PUM2: variants seen among roughly 807,000 people sequenced by gnomAD.
PUM2 encodes pumilio RNA binding family member 2.
A neutral mutation model predicts 124.5 loss-of-function variants in PUM2; 57 were observed. The observed-to-expected ratio is 0.46, with a 90% CI of 0.37 to 0.57. The LOEUF (loss-of-function observed/expected upper bound fraction) is 0.57. PUM2 is among the 20% of genes least tolerant of loss of function. The pLI, the probability that PUM2 is intolerant of heterozygous loss-of-function variation, is 0.00. For synonymous variants in PUM2, 460 were observed against 446.1 expected, an observed-to-expected ratio of 1.03 and a Z score of -0.39; for missense variants, 1,065 against 1,290.6, an observed-to-expected ratio of 0.83 and a Z score of 2.68.
chr2:20,344,320 G>A (rs569353144), intron 1 of PUM2, among the ~76,000 whole-genome samples: 13 of 152,206 alleles, frequency 8.5e-5, no homozygotes, highest in East Asian at 7.7e-4. Context: ...CACCTGCCAC[G>A]GCCTCCCAAA....
chr2:20,322,066 C>A (rs1682514021), intron 2 of PUM2, among the ~76,000 whole-genome samples: 1 of 151,974 alleles, frequency 6.6e-6, no homozygotes, highest in South Asian at 2.1e-4. Context: ...ATGGAAAACC[C>A]CTAAACCAAC....
chr2:20,289,650 T>G (rs970421611), intron 10 of PUM2, among the ~76,000 whole-genome samples: 3 of 152,230 alleles, frequency 2.0e-5, no homozygotes, highest in Non-Finnish European at 4.4e-5. Context: ...GATGATAAAT[T>G]CAGATCTTAA....
chr2:20,260,796 C>T (rs977786270), intron 14 of PUM2, among the ~76,000 whole-genome samples: 1 of 152,028 alleles, frequency 6.6e-6, no homozygotes, highest in Admixed American at 6.6e-5. Flanking sequence ...AAACATCTAA[C>T]TTTTAGAACA....
At chr2:20,346,373 C>T (rs1165303872) in intron 1 of PUM2, among the ~76,000 whole-genome samples, 2 of 152,172 alleles carry the variant, frequency 1.3e-5, no homozygotes, top group African/African-American at 4.8e-5. Context: ...AATCTGTATA[C>T]ATTTTTGGTA....
chr2:20,252,158 T>C (rs1663547978), intron 20 of PUM2, among the ~76,000 whole-genome samples: 1 of 152,240 alleles, frequency 6.6e-6, no homozygotes, highest in South Asian at 2.1e-4. Context: ...TTATATTCAT[T>C]AGTTTACAGC....
intron 1 of PUM2, among the ~76,000 whole-genome samples, chr2:20,342,631 C>A (rs1455945076): frequency 6.6e-6 from 1 of 152,056 alleles, no homozygotes; most frequent in Non-Finnish European, 1.5e-5. Context: ...TCTAGGAAAA[C>A]CCTAACTTAC....
Position 20,260,463 on chromosome 2 carries a change from G to A in PUM2, c.2229C>T (p.Phe743=), listed in dbSNP as rs766545327. 6.2e-7 allele frequency: 1 copy of A among 1,606,072 alleles called. No homozygotes were observed. ...TAGCTCTCTCTAGTTTTTGCTGTAT[G>A]AATCTACATAGGGAACATTTTTAAT... is the stretch of plus-strand genomic sequence containing the variant. ...EFSQDQHGSR[F]IQQKLERATP... The change falls in exon 15 of 21, where the codon TTC becomes TTT. Residue 743 remains phenylalanine (F), a synonymous_variant. Transcript: ENST00000361078.
chr2:20,336,088 T>A (rs1286386249), intron 1 of PUM2, among the ~76,000 whole-genome samples: 1 of 152,254 alleles, frequency 6.6e-6, no homozygotes, highest in Non-Finnish European at 1.5e-5. Context: ...TTTGATGCTT[T>A]AGGTATTGTC....
chr2:20,290,740 C>T lies in PUM2; in HGVS notation c.1203G>A (p.Gln401=), dbSNP rs1454347240. 1.2e-6 allele frequency: 2 copies of T among 1,613,186 alleles called. No individual in the cohort carries two copies. The highest frequency in any genetic ancestry group is 3.4e-5 in the Admixed American group (2 of 59,568). ...GQRPLTPNQG[Q]QGQQAESLAA... is the part of the protein sequence containing the mutation. ...CAAGTGATTCTGCTTGCTGCCCTTG[C>T]TGACCCTGATTGGGAGTAAGAGGAC... Residue 401 remains glutamine (Q), a synonymous_variant, in exon 10 of 21, where the codon CAG becomes CAA. Coordinates refer to ENST00000361078, the MANE Select transcript of PUM2 (RefSeq NM_015317.5).
In PUM2 at chr2:20,254,939, G is replaced by A; in HGVS notation, c.2794C>T (p.Arg932Ter). 1.9e-6 allele frequency: 3 copies of A among 1,613,718 alleles called. No homozygotes were observed. Among genetic ancestry groups the A allele is most frequent in the Non-Finnish European group, 2.5e-6 (3 of 1,179,702 alleles). The change falls in exon 19 of 21, where the codon CGA becomes TGA. Residue 932 changes from arginine (R) to a stop codon, truncating the protein, a stop_gained. Coordinates refer to ENST00000361078, the MANE Select transcript of PUM2 (RefSeq NM_015317.5). LOFTEE classifies it high-confidence loss of function. ...YVIQHVLEHG[R>*]PEDKSKIVSE... is the part of the protein sequence containing the mutation. ...ACAATTTTGCTCTTGTCTTCAGGTC[G>A]ACCGTGTTCCAGTACATGCTGAATA...
chr2:20,266,415 A>C (rs1667658167), intron 13 of PUM2, among the ~76,000 whole-genome samples: 2 of 151,876 alleles, frequency 1.3e-5, no homozygotes, highest in Admixed American at 1.3e-4. Context: ...ACTGCACTCC[A>C]GCCTGGACAA....
intron 10 of PUM2, among the ~76,000 whole-genome samples, chr2:20,290,148 C>T (rs1047075633): frequency 6.6e-6 from 1 of 152,094 alleles, no homozygotes; most frequent in Non-Finnish European, 1.5e-5. Context: ...TTATACTAGG[C>T]TTTCAAAGAC....
At chr2:20,285,422 T>C (rs1672500451) in intron 10 of PUM2, among the ~76,000 whole-genome samples, 1 of 152,202 alleles carries the variant, frequency 6.6e-6, no homozygotes, top group Admixed American at 6.5e-5. Context: ...GCTCTGAATA[T>C]GGCCCACAAC....
chr2:20,346,640 A>G (rs557092457), intron 1 of PUM2, among the ~76,000 whole-genome samples: 1 of 152,328 alleles, frequency 6.6e-6, no homozygotes, highest in Admixed American at 6.5e-5. Context: ...CTACAATAAG[A>G]TAGATCAAAG....
Position 20,282,969 on chromosome 2 carries a change from G to A in PUM2, c.1698C>T (p.Ala566=), listed in dbSNP as rs756180401. 2.5e-6 allele frequency: 4 copies of A among 1,613,872 alleles called. No individual in the cohort carries two copies. The Admixed American group carries it at 6.7e-5, about 27-fold the overall frequency. The change falls in exon 12 of 21, where the codon GCC becomes GCT. Residue 566 remains alanine, a synonymous_variant. Transcript: ENST00000361078. ...GNSLGAAIGS[A]LSGFGSSVGS... ...TACCTGATGAACCAAATCCACTGAG[G>A]GCTGAGCCTATAGCAGCACCCAAAG...
intron 2 of PUM2, among the ~76,000 whole-genome samples, chr2:20,320,127 G>A (rs868202177): frequency 6.6e-6 from 1 of 152,122 alleles, no homozygotes; most frequent in Non-Finnish European, 1.5e-5. Context: ...TTAGCCAGGC[G>A]TGGTTGCCAG....
intron 5 of PUM2, among the ~76,000 whole-genome samples, chr2:20,310,806 C>A (rs1489867612): frequency 6.6e-6 from 1 of 151,764 alleles, no homozygotes; most frequent in Non-Finnish European, 1.5e-5. Context: ...TGAAATACTA[C>A]AGAAAATCAA....
At chr2:20,309,005 C>T (rs1678994965) in intron 5 of PUM2, among the ~76,000 whole-genome samples, 1 of 152,026 alleles carries the variant, frequency 6.6e-6, no homozygotes, top group African/African-American at 2.4e-5. Flanking sequence ...TGCTGTCCTG[C>T]CCTGCCAACA....
At chr2:20,317,659 T>TA (rs923150113) in intron 3 of PUM2, among the ~76,000 whole-genome samples, 2 of 152,096 alleles carry the variant, frequency 1.3e-5, no homozygotes, top group African/African-American at 4.8e-5. Flanking sequence ...ACTCAGGTAC[T>TA]AAAAAAAGTA....
Sources: gnomAD v4.1 joint callset for allele counts (sites outside exome capture counted in the v4.1 genomes callset) on GRCh38, gnomAD v4.1.1 for gene constraint, MANE v1.5 for transcripts, NCBI Gene and HGNC (gene_info 2026-07-23, HGNC 2026-07-21) for gene names.